Variants in FREM3 observed in about 807,000 individuals in gnomAD.
FREM3 encodes the protein FRAS1-related extracellular matrix protein 3.
A neutral mutation model predicts 129.1 loss-of-function variants in FREM3; 105 were observed. The ratio of observed to expected loss-of-function variants is 0.81; its 90% CI spans 0.69 to 0.96. The LOEUF is 0.96. FREM3 is among the 40% of genes least tolerant of loss of function. The pLI is 0.00. For missense variants in FREM3, 2,593 were observed against 2,666.3 expected, an observed-to-expected ratio of 0.97 and a Z score of 0.61; for synonymous variants, 1,014 against 1,044.9, an observed-to-expected ratio of 0.97 and a Z score of 0.57.
rs180795082 is a variant in FREM3, at chr4:143,582,579, T to C, written c.6178+3265A>G. Among the ~76,000 whole-genome samples, 300 of 152,286 alleles carry C rather than the reference T, an allele frequency of 2.0e-3. 4 individuals carry two copies. Among genetic ancestry groups the C allele is most frequent in the Middle Eastern group, 3.4e-3 (1 of 294 alleles). ...CCATACAGATGAGAAAGAACTAGCG[T>C]AAGAACTCTGGCAATTCAAAAAGCT... On this transcript the variant is annotated intron_variant, in intron 7 of 7. Transcript: ENST00000329798.
At chr4:143,675,603 C>A (rs1184972933) in intron 2 of FREM3, among the ~76,000 whole-genome samples, 2 of 152,040 alleles carry the variant, frequency 1.3e-5, no homozygotes, top group African/African-American at 2.4e-5. Context: ...GATCCAGGAG[C>A]TGGTTTTTTG....
chr4:143,605,413 T>C (rs1185652997), intron 6 of FREM3, among the ~76,000 whole-genome samples: 1 of 152,162 alleles, frequency 6.6e-6, no homozygotes, highest in Non-Finnish European at 1.5e-5. Flanking sequence ...TAGCTCATCT[T>C]ACTAACTTTA....
intron 2 of FREM3, among the ~76,000 whole-genome samples, chr4:143,630,767 T>C (rs13135254): frequency 0.27 from 41,018 of 152,078 alleles, 6,659 homozygotes; most frequent in Middle Eastern, 0.39. Flanking sequence ...AAACCAAGTA[T>C]GTTAGGAGAA....
In FREM3 at chr4:143,700,655, GT is replaced by G; in HGVS notation, c.20del (p.His7ProfsTer18). 7.0e-7 allele frequency: 1 copy of G among 1,429,318 alleles called. No individual in the cohort carries two copies. The highest frequency in any genetic ancestry group is 9.1e-7 in the Non-Finnish European group (1 of 1,096,706). The allele number at this position is 1,429,318 out of a possible 1,614,324, so 88.5% of individuals were successfully genotyped here. The stretch of plus-strand genomic sequence containing the variant: ...GGAGCTGCCGGGGCGTCCCAGTCGG[GT>G]GCCGAGAAGCCCCCGCCATGGCCAC... MAGASRHPTGTPRQLLV... is the reference protein window; with the variant it reads MAGASRXPTGTPRQLLV... On this transcript the variant is annotated frameshift_variant, in exon 1 of 8. Coordinates refer to ENST00000329798, the MANE Select transcript of FREM3 (RefSeq NM_001168235.2). LOFTEE classifies it high-confidence loss of function.
intron 7 of FREM3, among the ~76,000 whole-genome samples, chr4:143,582,970 T>G (rs1738173950): frequency 6.6e-6 from 1 of 151,366 alleles, no homozygotes; most frequent in Non-Finnish European, 1.5e-5. Context: ...AGCCTCAACC[T>G]CCTGGGCTCA....
chr4:143,669,434 G>T (rs1259541536), intron 2 of FREM3, among the ~76,000 whole-genome samples: 1 of 152,032 alleles, frequency 6.6e-6, no homozygotes, highest in African/African-American at 2.4e-5. Context: ...GAACCGCCAC[G>T]CCTGGCTATT....
At chr4:143,694,590 A>C (rs1740532543) in intron 1 of FREM3, among the ~76,000 whole-genome samples, 1 of 152,162 alleles carries the variant, frequency 6.6e-6, no homozygotes, top group Admixed American at 6.5e-5. Context: ...AGTTTATATA[A>C]GTTTAATATT....
At chr4:143,604,194 T>C (rs777369688) in intron 6 of FREM3, among the ~76,000 whole-genome samples, 2 of 152,094 alleles carry the variant, frequency 1.3e-5, no homozygotes, top group Admixed American at 6.5e-5. Flanking sequence ...CTGCCAGGAG[T>C]GGACCTTCTT....
Position 143,696,316 on chromosome 4 carries a change from T to C in FREM3, c.4360A>G (p.Ile1454Val), listed in dbSNP as rs117554016. 3.3e-5 allele frequency: 51 copies of C among 1,537,490 alleles called. No individual in the cohort carries two copies. In the East Asian group the frequency reaches 1.2e-3, roughly 35 times the overall value. ...LTNNLLTNSD[I>V]NSSDEHHFSI... is the part of the protein sequence containing the mutation. ...AAGTGATGTTCATCAGAGCTGTTGA[T>C]GTCACTGTTGGTAAGCAGATTGTTG... The change falls in exon 1 of 8, where the codon ATC becomes GTC. Residue 1454 changes from isoleucine to valine, a missense_variant. Physicochemically the swap from Ile to Val is conservative, Grantham distance 29. Around this residue, in one of 2 missense-constraint regions of FREM3, gnomAD observed 2,276 missense variants for 2,267.2 expected, o/e 1.00. Transcript: ENST00000329798.
At chr4:143,621,920 T>G (rs1489509631) in intron 4 of FREM3, among the ~76,000 whole-genome samples, 4 of 152,184 alleles carry the variant, frequency 2.6e-5, no homozygotes, top group African/African-American at 9.7e-5. Context: ...GGTGTTTGTT[T>G]ACAAAGTTTT....
chr4:143,587,665 C>A (rs1738266018), intron 6 of FREM3, among the ~76,000 whole-genome samples: 1 of 152,136 alleles, frequency 6.6e-6, no homozygotes, highest in African/African-American at 2.4e-5. Context: ...CAGGAAAGTT[C>A]TTTCTTGAAC....
chr4:143,687,094 C>T (rs1326576947), intron 2 of FREM3, among the ~76,000 whole-genome samples: 1 of 151,702 alleles, frequency 6.6e-6, no homozygotes, highest in East Asian at 1.9e-4. Context: ...AATTGATAGA[C>T]CATTGGCAAG....
At chr4:143,646,553 T>C (rs973685356) in intron 2 of FREM3, among the ~76,000 whole-genome samples, 2 of 152,210 alleles carry the variant, frequency 1.3e-5, no homozygotes, top group African/African-American at 4.8e-5. Flanking sequence ...GATCTGATGG[T>C]TTTTACAAGG....
chr4:143,688,138 T>C (rs1740400926), intron 2 of FREM3, among the ~76,000 whole-genome samples: 2 of 152,164 alleles, frequency 1.3e-5, no homozygotes, highest in Admixed American at 1.3e-4. Flanking sequence ...AGAAAGTGCC[T>C]AGAACTGATA....
chr4:143,586,049 C>G (rs1009180493), intron 6 of FREM3, 56 bp from the exon 7 acceptor site: 3 of 1,507,742 alleles, frequency 2.0e-6, no homozygotes, highest in Non-Finnish European at 2.7e-6. Flanking sequence ...GGTATACTGT[C>G]TCCTTTGGCC....
chr4:143,584,865 C>T (rs1738210679), intron 7 of FREM3, among the ~76,000 whole-genome samples: 1 of 152,192 alleles, frequency 6.6e-6, no homozygotes, highest in South Asian at 2.1e-4. Flanking sequence ...CTAAAATCGA[C>T]TACACCGTTG....
chr4:143,604,741 T>G (rs547065642), intron 6 of FREM3, among the ~76,000 whole-genome samples: 1 of 152,284 alleles, frequency 6.6e-6, no homozygotes, highest in African/African-American at 2.4e-5. Context: ...ATCACACAGA[T>G]GACCATGTAT....
At chr4:143,688,123 C>T (rs558025077) in intron 2 of FREM3, among the ~76,000 whole-genome samples, 1 of 152,236 alleles carries the variant, frequency 6.6e-6, no homozygotes, top group African/African-American at 2.4e-5. Flanking sequence ...CCTAAGGACT[C>T]CTCCAGAAAG....
rs552612141 is a variant in FREM3 at position 143,663,533 on chromosome 4, A to T, written c.5275+29580T>A. Among the ~76,000 whole-genome samples the T allele has an allele frequency of 5.9e-5, 9 of 152,014 alleles. No individual in the cohort carries two copies. In the East Asian group the frequency reaches 1.5e-3, roughly 26 times the overall value. ...CCCTTAACATTTTTTCCTTCATTTC[A>T]ACTTTGGTGAATCTGACAATTTATG... is the stretch of plus-strand genomic sequence containing the variant. On this transcript the variant is annotated intron_variant, in intron 2 of 7. Coordinates refer to ENST00000329798, the MANE Select transcript of FREM3 (RefSeq NM_001168235.2).
Sources: gnomAD v4.1 joint callset for allele counts (sites outside exome capture counted in the v4.1 genomes callset) on GRCh38, gnomAD v4.1.1 for gene constraint, gnomAD v4.1.1 regional missense constraint, MANE v1.5 for transcripts, NCBI Gene and HGNC (gene_info 2026-07-23, HGNC 2026-07-21) for gene names.